The following BRPF3 variants were observed in gnomAD, a reference collection of about 807,000 sequenced individuals.
BRPF3 encodes bromodomain and PHD finger-containing protein 3.
In BRPF3, 18 loss-of-function variants were observed where a neutral mutation model predicts 102.0. The observed-to-expected ratio is 0.18, with a 90% CI of 0.12 to 0.26. The LOEUF (loss-of-function observed/expected upper bound fraction) is 0.26. Among genes scored for constraint, BRPF3 ranks in the 10% least tolerant of loss-of-function variants. The pLI is 1.00. For synonymous variants in BRPF3, 570 were observed against 614.2 expected (o/e 0.93, Z 1.06); for missense variants, 1,147 against 1,567.8 (o/e 0.73, Z 4.53).
In BRPF3 at chr6:36,200,140, CAAAG is replaced by C. The variant is rs1037843952; in HGVS notation, c.-26-156_-26-153del. Among the ~76,000 whole-genome samples the C allele has an allele frequency of 7.9e-5, 12 of 152,034 alleles. No individual in the cohort carries two copies. The highest frequency in any genetic ancestry group is 2.4e-4 in the African/African-American group (10 of 41,386). On this transcript the variant is annotated intron_variant, in intron 1 of 12. Transcript: ENST00000357641. This position sits in a 1 kb window ranked among gnomAD's most constrained non-coding sequence, Gnocchi z 5.3. ...TGTTCACTTGAAGAAATGAAAGACT[CAAAG>C]GAAGTGAAGGAGCAAGCCATGTGGA...
chr6:36,218,146 A>C, intron 9 of BRPF3, 136 bp downstream of exon 9: 1 of 678,332 alleles, frequency 1.5e-6, no homozygotes, highest in East Asian at 2.9e-5. Flanking sequence ...GAGGCCTCTT[A>C]TCTGTAACTC....
At position 36,202,770 on chromosome 6, in the gene BRPF3, C is replaced by T. The variant is rs549240249; in HGVS notation, c.1448+1000C>T. On this transcript the variant is annotated intron_variant, in intron 2 of 12. Transcript: ENST00000357641. ...CATGTCCTGTTCTAAGGGATGGAAC[C>T]AGGTGGAAAGTGACAGACCCTATAC... is the stretch of plus-strand genomic sequence containing the variant. Among the ~76,000 whole-genome samples, 41 of 152,234 alleles carry T rather than the reference C, an allele frequency of 2.7e-4. 1 individual carries two copies. The South Asian group carries it at 6.6e-3, about 25-fold the overall frequency.
At chr6:36,217,400 C>G (rs1170669947) in intron 8 of BRPF3, among the ~76,000 whole-genome samples, 1 of 152,182 alleles carries the variant, frequency 6.6e-6, no homozygotes, top group Admixed American at 6.5e-5. Context: ...ACAAAGGGCC[C>G]TTATCCATCT....
At chr6:36,214,733 C>G (rs1230974138) in intron 8 of BRPF3, among the ~76,000 whole-genome samples, 1 of 152,038 alleles carries the variant, frequency 6.6e-6, no homozygotes, top group Non-Finnish European at 1.5e-5. Flanking sequence ...AATCAATGAG[C>G]AAAACAGACA....
In BRPF3 at chr6:36,214,295, C is replaced by T. The variant is rs749895419; in HGVS notation, c.2898C>T (p.Ile966=). 8 of 1,613,826 alleles carry T rather than the reference C, an allele frequency of 5.0e-6. No homozygotes were observed. Among genetic ancestry groups the T allele is most frequent in the Middle Eastern group, 1.6e-4 (1 of 6,082 alleles). Residue 966 remains isoleucine (I), a synonymous_variant, in exon 8 of 13, where the codon ATC becomes ATT. Coordinates refer to ENST00000357641, the MANE Select transcript of BRPF3 (RefSeq NM_015695.3). ...GCTCTCCTGCCTCTCCAGCCAGCAT[C>T]GAGGAAGAGCGCCACTCCCGGAAGC... ...VAGSPASPAS[I]EEERHSRKRP...
chr6:36,217,855 C>A (rs1768385012), intron 8 of BRPF3, 62 bp from the exon 9 acceptor site: 1 of 1,488,838 alleles, frequency 6.7e-7, no homozygotes, highest in Non-Finnish European at 9.3e-7. Context: ...CTGCCTCACC[C>A]TGTAGCATGT....
chr6:36,213,023 C>G (rs993295466), intron 7 of BRPF3, among the ~76,000 whole-genome samples: 3 of 151,816 alleles, frequency 2.0e-5, no homozygotes, highest in South Asian at 2.1e-4. Context: ...ACTGATTTAA[C>G]TTACTTGGTC....
intron 1 of BRPF3, chr6:36,197,268 C>G (rs530460571): frequency 6.6e-6 from 1 of 151,868 alleles, no homozygotes; most frequent in South Asian, 2.1e-4. Context: ...CCTGGCCAGA[C>G]GAGAGTCCCG....
In BRPF3 at chr6:36,230,369, C is replaced by T; in HGVS notation, c.3435-57C>T. The T allele has an allele frequency of 2.6e-6, 4 of 1,558,692 alleles. No individual in the cohort carries two copies. In the South Asian group the frequency reaches 3.5e-5, roughly 14 times the overall value. ...TCCTGGCCAAGTGGGGCCACAGGAG[C>T]CCGAGCCCCCTGTGAGACCCACTAC... On this transcript the variant is annotated intron_variant, in intron 12 of 12. Coordinates refer to ENST00000357641, the MANE Select transcript of BRPF3 (RefSeq NM_015695.3). This position sits in a 1 kb window ranked among gnomAD's most constrained non-coding sequence, Gnocchi z 5.4.
In BRPF3 at chr6:36,225,262, C is replaced by T. The variant is rs778304946; in HGVS notation, c.3182-5C>T. ...GTGCTGTCTCCTCCCCTCCCCCACC[C>T]CCAGGCAGAAGCCTCCTGCTGCCCT... On this transcript the variant is annotated splice_polypyrimidine_tract_variant and splice_region_variant and intron_variant, in intron 10 of 12. Transcript: ENST00000357641. The T allele has an allele frequency of 1.2e-6, 2 of 1,605,954 alleles. No homozygotes were observed. The highest frequency in any genetic ancestry group is 1.1e-5 in the South Asian group (1 of 91,066).
chr6:36,217,847 G>T, intron 8 of BRPF3, 70 bp from the exon 9 acceptor site: 1 of 1,393,610 alleles, frequency 7.2e-7, no homozygotes, highest in Non-Finnish European at 1.0e-6. Context: ...TGAGGTGGCT[G>T]CCTCACCCTG....
At chr6:36,225,784 C>T (rs962854087) in intron 11 of BRPF3, among the ~76,000 whole-genome samples, 1 of 152,096 alleles carries the variant, frequency 6.6e-6, no homozygotes, top group Admixed American at 6.5e-5. Context: ...TAATAAATGA[C>T]AGGGTTGGAA....
chr6:36,210,636 G>A lies in BRPF3; in HGVS notation c.2179+108G>A, dbSNP rs1768072367. The A allele has an allele frequency of 9.6e-7, 1 of 1,036,314 alleles. No homozygotes were observed. Among genetic ancestry groups the A allele is most frequent in the Non-Finnish European group, 1.4e-6 (1 of 724,492 alleles). 64.2% of individuals were successfully genotyped at this position (1,036,314 alleles called of 1,614,324 possible). ...TCCTTGGGGCTATAGGTAGACTCCA[G>A]GAGCAAAGCTGAGGGTGAGCACAGA... On this transcript the variant is annotated intron_variant, in intron 6 of 12. Transcript: ENST00000357641. The surrounding 1 kb of genome is among the most constrained non-coding windows in gnomAD (Gnocchi z 4.7).
At position 36,214,272 on chromosome 6, in the gene BRPF3, T is replaced by C. The variant is rs764355221; in HGVS notation, c.2875T>C (p.Ser959Pro). 22 of 1,612,906 alleles carry C rather than the reference T, an allele frequency of 1.4e-5. No homozygotes were observed. The Middle Eastern group carries it at 1.3e-3, about 97-fold the overall frequency. The change falls in exon 8 of 13, where the codon TCT becomes CCT. Residue 959 changes from serine to proline, a missense_variant. Transcript: ENST00000357641. Reference sequence around the variant, plus strand: ...TGGCGAGGACCATGGTGTGGCAGGCTCTCCTGCCTCTCCAGCCAGCATCGA... The same window carrying C: ...TGGCGAGGACCATGGTGTGGCAGGCCCTCCTGCCTCTCCAGCCAGCATCGA... ...ENGEDHGVAG[S>P]PASPASIEEE... is the part of the protein sequence containing the mutation.
At chr6:36,211,207 C>A in intron 6 of BRPF3, 51 bp from the exon 7 acceptor site, 1 of 1,563,648 alleles carries the variant, frequency 6.4e-7, no homozygotes, top group Non-Finnish European at 8.7e-7. Context: ...TTCTCTTGCC[C>A]TGTGCTGGGC....
Position 36,200,438 on chromosome 6 carries a change from G to A in BRPF3, c.116G>A (p.Arg39Gln), listed in dbSNP as rs1581939469. Residue 39 changes from arginine (R) to glutamine (Q), a missense_variant, in exon 2 of 13, where the codon CGG (arginine) becomes CAG (glutamine). Transcript: ENST00000357641. The surrounding 1 kb of genome is among the most constrained non-coding windows in gnomAD (Gnocchi z 5.3). ...ACCCTGACATATGCCCAGGCCCAGC[G>A]GATTGTCGAGGTAGACATTGATGGA... ...RETLTYAQAQ[R>Q]IVEVDIDGRL... 5 of 1,614,222 alleles carry A rather than the reference G, an allele frequency of 3.1e-6. No individual in the cohort carries two copies. Among genetic ancestry groups the A allele is most frequent in the Non-Finnish European group, 4.2e-6 (5 of 1,180,042 alleles).
At position 36,210,489 on chromosome 6, in the gene BRPF3, C is replaced by A. The variant is rs1220612450; in HGVS notation, c.2140C>A (p.Pro714Thr). The A allele has an allele frequency of 5.0e-6, 8 of 1,602,046 alleles. No individual in the cohort carries two copies. The highest frequency in any genetic ancestry group is 6.8e-6 in the Non-Finnish European group (8 of 1,179,154). ...PERGTHLPES[P>T]KLEDFYRFSW... is the part of the protein sequence containing the mutation. ...GAGGGGCACTCACCTGCCCGAGTCA[C>A]CCAAATTGGAAGACTTTTACCGCTT... Residue 714 changes from proline (P) to threonine (T), a missense_variant, in exon 6 of 13, where the codon CCC becomes ACC. By Grantham distance (38) the Pro-to-Thr change is conservative. Transcript: ENST00000357641. This position sits in a 1 kb window ranked among gnomAD's most constrained non-coding sequence, Gnocchi z 4.7.
intron 1 of BRPF3, among the ~76,000 whole-genome samples, chr6:36,198,139 G>T (rs1367216822): frequency 2.0e-5 from 3 of 152,192 alleles, no homozygotes; most frequent in Non-Finnish European, 4.4e-5. Flanking sequence ...GGACAGAATT[G>T]CTGCGATGAT....
At position 36,225,250 on chromosome 6, in the gene BRPF3, C is replaced by T. The variant is rs547300979; in HGVS notation, c.3182-17C>T. On this transcript the variant is annotated splice_polypyrimidine_tract_variant and intron_variant, in intron 10 of 12. Transcript: ENST00000357641. ...AGTCCCCTTTGGGTGCTGTCTCCTC[C>T]CCTCCCCCACCCCCAGGCAGAAGCC... is the stretch of plus-strand genomic sequence containing the variant. 2 of 1,600,586 alleles carry T rather than the reference C, an allele frequency of 1.2e-6. No individual in the cohort carries two copies. The highest frequency in any genetic ancestry group is 1.1e-5 in the South Asian group (1 of 90,956).
Sources: allele counts gnomAD v4.1 joint callset (sites outside exome capture counted in the v4.1 genomes callset), GRCh38; gene constraint gnomAD v4.1.1; non-coding constraint Gnocchi (gnomAD v3.1); transcripts MANE v1.5; gene names NCBI Gene and HGNC (gene_info 2026-07-23, HGNC 2026-07-21).